POGZ: variants seen among roughly 807,000 people sequenced by gnomAD.
The protein encoded by POGZ is pogo transposable element derived with ZNF domain, also known as pogo transposable element with ZNF domain.
In POGZ, 17 loss-of-function variants were observed where a neutral mutation model predicts 134.6. The observed-to-expected ratio is 0.13, with a 90% CI of 0.09 to 0.19. POGZ has a LOEUF of 0.19. Ranked by LOEUF, POGZ falls within the 10% of genes least tolerant of loss-of-function variation. The pLI is 1.00. For missense variants in POGZ, 1,306 were observed against 1,769.7 expected (o/e 0.74, Z 4.70); for synonymous variants, 693 against 657.1 (o/e 1.05, Z -0.84).
At chr1:151,453,633 AT>A (rs1417970172) in intron 1 of POGZ, among the ~76,000 whole-genome samples, 1 of 152,114 alleles carries the variant, frequency 6.6e-6, no homozygotes, top group African/African-American at 2.4e-5. Flanking sequence ...TTGTAACATG[AT>A]TTTTTTGTGC....
chr1:151,440,957 GTCT>G lies in POGZ; in HGVS notation c.251_253del (p.Lys84del). On this transcript the variant is annotated inframe_deletion, in exon 3 of 19. Coordinates refer to ENST00000271715, the MANE Select transcript of POGZ (RefSeq NM_015100.4). ...GTTGTTGGCAATTAGTGTGACAAGA[GTCT>G]TCTTTGTACTGTCGCTGTTCTGTGC... 1 of 1,613,536 alleles carries G rather than the reference GTCT, an allele frequency of 6.2e-7. No individual in the cohort carries two copies. The highest frequency in any genetic ancestry group is 8.5e-7 in the Non-Finnish European group (1 of 1,179,576).
chr1:151,419,360 A>C (rs1050384355), intron 10 of POGZ, among the ~76,000 whole-genome samples: 1 of 149,258 alleles, frequency 6.7e-6, no homozygotes, highest in Non-Finnish European at 1.5e-5. Context: ...ATTGTCTCCC[A>C]AAAAAAAAGC....
chr1:151,427,442 AT>A (rs1657970027), intron 7 of POGZ: 3 of 233,068 alleles, frequency 1.3e-5, no homozygotes, highest in Non-Finnish European at 2.6e-5. Flanking sequence ...TACAGAAAAC[AT>A]TTGCCGACCC....
chr1:151,444,627 T>C (rs1017333675), intron 1 of POGZ, among the ~76,000 whole-genome samples: 7 of 152,224 alleles, frequency 4.6e-5, no homozygotes, highest in African/African-American at 1.4e-4. Flanking sequence ...TATGAAGAGC[T>C]ATCAGAATAC....
intron 5 of POGZ, among the ~76,000 whole-genome samples, chr1:151,429,220 C>T (rs1658295173): frequency 6.6e-6 from 1 of 150,658 alleles, no homozygotes; most frequent in Admixed American, 6.6e-5. Context: ...TTGTTTATAT[C>T]TAAAATCTAT....
At chr1:151,411,942 G>T (rs1454006964) in intron 11 of POGZ, 171 bp from the exon 12 acceptor site, 3 of 581,660 alleles carry the variant, frequency 5.2e-6, no homozygotes, top group East Asian at 5.9e-5. Context: ...TTTGTGATAG[G>T]TTTAGCTATT....
intron 1 of POGZ, among the ~76,000 whole-genome samples, chr1:151,457,407 C>A (rs1662903926): frequency 6.6e-6 from 1 of 152,180 alleles, no homozygotes; most frequent in African/African-American, 2.4e-5. Context: ...CCCCTCTGCT[C>A]CATTCAAATA....
intron 3 of POGZ, among the ~76,000 whole-genome samples, chr1:151,437,204 C>CA (rs35014457): frequency 0.11 from 13,453 of 121,830 alleles, 718 homozygotes; most frequent in Middle Eastern, 0.17. Context: ...GACTCCGTCT[C>CA]AAAAAAAAAA....
Position 151,405,363 on chromosome 1 carries a change from G to A in POGZ, c.3672C>T (p.Gly1224=), listed in dbSNP as rs1571321552. 2.2e-5 allele frequency: 36 copies of A among 1,614,092 alleles called. No individual in the cohort carries two copies. The highest frequency in any genetic ancestry group is 2.8e-5 in the Non-Finnish European group (33 of 1,179,956). The change falls in exon 19 of 19, where the codon GGC becomes GGT. Residue 1224 remains glycine (G), a synonymous_variant. Transcript: ENST00000271715. This position sits in a 1 kb window ranked among gnomAD's most constrained non-coding sequence, Gnocchi z 4.9. ...QKHTACQRSK[G]MLVMDCHRTH... ...TGCGATGACAGTCCATCACAAGCAT[G>A]CCTTTGCTGCGCTGGCAAGCTGTGT...
At chr1:151,410,195 G>GGAAAATAAAAGCAATA (rs1271677501) in intron 12 of POGZ, among the ~76,000 whole-genome samples, 1 of 152,084 alleles carries the variant, frequency 6.6e-6, no homozygotes, top group African/African-American at 2.4e-5. Context: ...CATCTTATAA[G>GGAAAATAAAAGCAATA]GAAAATAAAA....
At chr1:151,427,720 T>G in intron 7 of POGZ, 103 bp downstream of exon 7, 1 of 793,414 alleles carries the variant, frequency 1.3e-6, no homozygotes, top group Non-Finnish European at 2.0e-6. Context: ...GCAGCTGTAT[T>G]TTATTTTATT....
intron 10 of POGZ, among the ~76,000 whole-genome samples, chr1:151,415,626 G>A (rs370212254): frequency 7.2e-6 from 1 of 138,992 alleles, no homozygotes; most frequent in Non-Finnish European, 1.5e-5. Context: ...AGCCGAGATC[G>A]CACCACTGCA....
chr1:151,433,157 C>A (rs111519478), intron 3 of POGZ, among the ~76,000 whole-genome samples: 7 of 152,240 alleles, frequency 4.6e-5, no homozygotes, highest in African/African-American at 1.7e-4. Flanking sequence ...AGGCTTTTTG[C>A]ATTTATGGGA....
At chr1:151,440,065 G>GA (rs2102359546) in intron 3 of POGZ, among the ~76,000 whole-genome samples, 1 of 151,824 alleles carries the variant, frequency 6.6e-6, no homozygotes, top group South Asian at 2.1e-4. Context: ...TTTGTCAAAT[G>GA]AAAATCACCA....
At position 151,408,821 on chromosome 1, in the gene POGZ, T is replaced by C. The variant is rs1454901974; in HGVS notation, c.1934A>G (p.Asn645Ser). The change falls in exon 13 of 19, where the codon AAT becomes AGT. Residue 645 changes from asparagine (N) to serine (S), a missense_variant. Coordinates refer to ENST00000271715, the MANE Select transcript of POGZ (RefSeq NM_015100.4). ...QQHYMRHQKR[N>S]VYHCNKCRLQ... ...CCGGCATTTGTTGCAGTGATAAACA[T>C]TTCTCTTCTGAAGTGGGGGAGGGAA... The C allele has an allele frequency of 1.2e-6, 2 of 1,601,568 alleles. No individual in the cohort carries two copies. The highest frequency in any genetic ancestry group is 1.7e-6 in the Non-Finnish European group (2 of 1,174,550).
Position 151,427,583 on chromosome 1 carries a change from A to G in POGZ, c.1078+240T>C, listed in dbSNP as rs1304102726. 6 of 464,698 alleles carry G rather than the reference A, an allele frequency of 1.3e-5. No individual in the cohort carries two copies. The East Asian group carries it at 2.3e-4, about 18-fold the overall frequency. The allele number at this position is 464,698 out of a possible 1,614,324, so 28.8% of individuals were successfully genotyped here. On this transcript the variant is annotated intron_variant, in intron 7 of 18. Transcript: ENST00000271715. ...GAAGTTATCTTTCATTATCTCACCCATCTTTAATCAATCAATTTCACTAAT... is the reference window on the plus strand; with the variant it reads ...GAAGTTATCTTTCATTATCTCACCCGTCTTTAATCAATCAATTTCACTAAT...
chr1:151,418,367 T>A (rs1242870333), intron 10 of POGZ, among the ~76,000 whole-genome samples: 1 of 151,854 alleles, frequency 6.6e-6, no homozygotes, highest in Non-Finnish European at 1.5e-5. Context: ...TTCCCACTCA[T>A]ATGTGGGAGC....
intron 3 of POGZ, among the ~76,000 whole-genome samples, chr1:151,434,215 C>G (rs1355338033): frequency 2.0e-5 from 3 of 152,176 alleles, no homozygotes; most frequent in Non-Finnish European, 4.4e-5. Context: ...GTGACTGAGG[C>G]ATGACAATTG....
intron 1 of POGZ, among the ~76,000 whole-genome samples, chr1:151,458,866 A>AGGCAGGGACCTCCGCCGCCGGCC (rs1208866922): frequency 1.5e-4 from 22 of 144,734 alleles, no homozygotes; most frequent in African/African-American, 5.5e-4. Context: ...GCCAGCCGGC[A>AGGCAGGGACCTCCGCCGCCGGCC]GGCAGGGACC....
Sources: gnomAD v4.1 joint callset for allele counts (sites outside exome capture counted in the v4.1 genomes callset) on GRCh38, gnomAD v4.1.1 for gene constraint, Gnocchi (gnomAD v3.1) non-coding constraint, MANE v1.5 for transcripts, NCBI Gene and HGNC (gene_info 2026-07-23, HGNC 2026-07-21) for gene names.